Variants in VIPR1 observed in about 807,000 individuals in gnomAD.
The protein encoded by VIPR1 is vasoactive intestinal peptide receptor 1.
Under a neutral mutation model 58.8 loss-of-function variants are expected in VIPR1, and 59 were observed. The ratio of observed to expected loss-of-function variants is 1.00; its 90% confidence interval spans 0.81 to 1.25. The LOEUF is 1.25. VIPR1 is among the 50% of genes most tolerant of loss of function. The probability of loss-of-function intolerance (pLI) is 0.00; values close to 1 mark genes in which losing one functional copy is unlikely to be tolerated. For missense variants in VIPR1, 626 were observed against 602.7 expected (o/e 1.04, Z -0.40); for synonymous variants, 251 against 242.1 (o/e 1.04, Z -0.34).
At chr3:42,489,961 C>T (rs1397268505) in intron 1 of VIPR1, among the ~76,000 whole-genome samples, 3 of 152,084 alleles carry the variant, frequency 2.0e-5, no homozygotes, top group African/African-American at 4.8e-5. Context: ...ACCTCTCCTC[C>T]GACCCTCCAT....
chr3:42,532,377 C>T (rs1487410302), intron 10 of VIPR1, 44 bp downstream of exon 10: 2 of 1,571,786 alleles, frequency 1.3e-6, no homozygotes, highest in East Asian at 2.2e-5. Flanking sequence ...CCTCCATCCC[C>T]AGTCCTCAAA....
At chr3:42,494,301 C>T (rs1699719451) in intron 1 of VIPR1, among the ~76,000 whole-genome samples, 2 of 151,714 alleles carry the variant, frequency 1.3e-5, no homozygotes, top group African/African-American at 4.8e-5. Context: ...TTTTACTTAC[C>T]ATATATTTGC....
chr3:42,535,488 C>A, intron 12 of VIPR1, 104 bp downstream of exon 12: 1 of 1,294,122 alleles, frequency 7.7e-7, no homozygotes, highest in Non-Finnish European at 1.1e-6. Context: ...TTAAACCTTG[C>A]TGCTCCAAGT....
chr3:42,505,099 C>G (rs961522063), intron 1 of VIPR1, among the ~76,000 whole-genome samples: 1 of 151,950 alleles, frequency 6.6e-6, no homozygotes, highest in African/African-American at 2.4e-5. Flanking sequence ...CAGGCCTCCT[C>G]GTGGGAAATT....
chr3:42,532,076 AG>A (rs1181445946), intron 9 of VIPR1, 165 bp from the exon 10 acceptor site: 14 of 890,302 alleles, frequency 1.6e-5, no homozygotes, highest in African/African-American at 1.2e-4. Context: ...GATTTGAAGG[AG>A]GTAGAGTTCC....
chr3:42,526,697 C>T (rs778514357), intron 4 of VIPR1, among the ~76,000 whole-genome samples: 14 of 152,296 alleles, frequency 9.2e-5, no homozygotes, highest in Middle Eastern at 3.4e-3. Flanking sequence ...CCTCATTCCC[C>T]CTTAACCACT....
At position 42,513,808 on chromosome 3, in the gene VIPR1, G is replaced by T. The variant is rs1230169820; in HGVS notation, c.138G>T (p.Gln46His). Reference sequence around the variant, plus strand: ...ACTATGTGCAGATGATCGAGGTGCAGCACAAGCAGTGCCTGGAGGAGGCCC... The same window carrying T: ...ACTATGTGCAGATGATCGAGGTGCATCACAAGCAGTGCCTGGAGGAGGCCC... ...ECDYVQMIEV[Q>H]HKQCLEEAQL... is the part of the protein sequence containing the mutation. The change falls in exon 2 of 13, where the codon CAG becomes CAT. Residue 46 changes from glutamine (Q) to histidine (H), a missense_variant. Transcript: ENST00000325123. 16 of 1,551,588 alleles carry T rather than the reference G, an allele frequency of 1.0e-5. No individual in the cohort carries two copies. The highest frequency in any genetic ancestry group is 1.4e-5 in the Non-Finnish European group (16 of 1,146,984).
Position 42,535,213 on chromosome 3 carries a change from T to C in VIPR1, c.1140+109T>C, listed in dbSNP as rs530374810. The stretch of plus-strand genomic sequence containing the variant: ...CCAACCTTTTTACTGTAATAAGTAT[T>C]AGATAAGCACCTACTTTGTGCTTAG... On this transcript the variant is annotated intron_variant, in intron 11 of 12. Coordinates refer to ENST00000325123, the MANE Select transcript of VIPR1 (RefSeq NM_004624.4). 3.1e-6 allele frequency: 5 copies of C among 1,598,604 alleles called. No individual in the cohort carries two copies. In the Admixed American group the frequency reaches 5.1e-5, roughly 16 times the overall value.
At chr3:42,493,315 C>T (rs76692378) in intron 1 of VIPR1, among the ~76,000 whole-genome samples, 3,550 of 152,182 alleles carry the variant, frequency 0.023, 128 homozygotes, top group African/African-American at 0.081. Context: ...CAGCCACTCT[C>T]GAGAGGGCCT....
Position 42,532,027 on chromosome 3 carries a change from T to C in VIPR1, c.918+158T>C, listed in dbSNP as rs1042220469. 3.1e-6 allele frequency: 3 copies of C among 961,454 alleles called. No individual in the cohort carries two copies. The Admixed American group carries it at 6.5e-5, about 21-fold the overall frequency. 59.6% of individuals were successfully genotyped at this position (961,454 alleles called of 1,614,324 possible). On this transcript the variant is annotated intron_variant, in intron 9 of 12. Coordinates refer to ENST00000325123, the MANE Select transcript of VIPR1 (RefSeq NM_004624.4). The stretch of plus-strand genomic sequence containing the variant: ...ATCCCCACCCCTGTCCTACCAGTTC[T>C]TCCTTGAGCGTAAGCGGATTGGGAG...
chr3:42,496,014 C>T (rs557929907), intron 1 of VIPR1, among the ~76,000 whole-genome samples: 1 of 151,950 alleles, frequency 6.6e-6, no homozygotes, highest in Non-Finnish European at 1.5e-5. Flanking sequence ...TTTCAAGCAG[C>T]CACATTTGTG....
At chr3:42,535,535 C>A in intron 12 of VIPR1, 151 bp downstream of exon 12, 1 of 816,978 alleles carries the variant, frequency 1.2e-6, no homozygotes. Flanking sequence ...GTCACCTAGG[C>A]CCTTGTTAAA....
At chr3:42,513,688 G>C in intron 1 of VIPR1, 61 bp from the exon 2 acceptor site, 1 of 1,514,716 alleles carries the variant, frequency 6.6e-7, no homozygotes, top group Non-Finnish European at 9.0e-7. Context: ...TCCAGAGACT[G>C]GGCCTGGTGC....
chr3:42,491,364 G>A (rs1290051061), intron 1 of VIPR1, among the ~76,000 whole-genome samples: 1 of 152,214 alleles, frequency 6.6e-6, no homozygotes, highest in Non-Finnish European at 1.5e-5. Flanking sequence ...TAATGGTATT[G>A]TGGTTATTTT....
upstream of VIPR1, chr3:42,502,121 C>G (rs1699890306): frequency 6.6e-6 from 1 of 152,278 alleles, no homozygotes; most frequent in Non-Finnish European, 1.5e-5. Flanking sequence ...AACCCGATCT[C>G]TGTCAGCGCC....
intron 1 of VIPR1, among the ~76,000 whole-genome samples, chr3:42,504,340 G>A (rs537421108): frequency 9.9e-5 from 15 of 152,112 alleles, no homozygotes; most frequent in Admixed American, 3.3e-4. Context: ...CACTTCCTGA[G>A]ACAGCCCAAA....
rs14380 is a variant in VIPR1 at position 42,537,087 on chromosome 3, A to T, written c.*806A>T. ...AAGTGGGATCTGTCACACCAGCCAT[A>T]CTTATCTCTCTGTGCTGTGGAAGCA... is the stretch of plus-strand genomic sequence containing the variant. On this transcript the variant is annotated 3_prime_UTR_variant, in exon 13 of 13. Coordinates refer to ENST00000325123, the MANE Select transcript of VIPR1 (RefSeq NM_004624.4). The T allele has an allele frequency of 0.25, 37,367 of 152,068 alleles. 5,197 individuals carry two copies. The highest frequency in any genetic ancestry group is 0.39 in the East Asian group (2,031 of 5,152). 9.4% of individuals were successfully genotyped at this position (152,068 alleles called of 1,614,324 possible). A position where few individuals can be genotyped will look rare whatever the true frequency, so the allele number is the denominator to read the frequency against.
In VIPR1 at chr3:42,528,056, C is replaced by T. The variant is rs765523564; in HGVS notation, c.569C>T (p.Ala190Val). 2.5e-6 allele frequency: 4 copies of T among 1,613,984 alleles called. No individual in the cohort carries two copies. ...HLFISFILRA[A>V]AVFIKDLALF... ...TTCATATCCTTCATCCTGAGGGCTG[C>T]CGCTGTCTTCATCAAAGACTTGGCC... The change falls in exon 6 of 13, where the codon GCC becomes GTC. Residue 190 changes from alanine to valine, a missense_variant. Physicochemically the swap from Ala to Val is moderately conservative, Grantham distance 64 (BLOSUM62 0). Coordinates refer to ENST00000325123, the MANE Select transcript of VIPR1 (RefSeq NM_004624.4).
chr3:42,520,425 T>C (rs1700853834), intron 3 of VIPR1, among the ~76,000 whole-genome samples: 2 of 151,874 alleles, frequency 1.3e-5, no homozygotes, highest in Non-Finnish European at 2.9e-5. Flanking sequence ...ATTCTAGGAG[T>C]GTAAACAGGA....
Sources: gnomAD v4.1 joint callset for allele counts (sites outside exome capture counted in the v4.1 genomes callset) on GRCh38, gnomAD v4.1.1 for gene constraint, MANE v1.5 for transcripts, NCBI Gene and HGNC (gene_info 2026-07-23, HGNC 2026-07-21) for gene names.